The following POU2F2 variants were observed in gnomAD, a reference collection of about 807,000 sequenced individuals.
POU2F2 encodes the protein POU domain, class 2, transcription factor 2.
Under a neutral mutation model 63.5 loss-of-function variants are expected in POU2F2, and 14 were observed. That is an observed-to-expected ratio of 0.22 (90% CI 0.15 to 0.34). The LOEUF is 0.34. Among genes scored for constraint, POU2F2 ranks in the 10% least tolerant of loss-of-function variants. The pLI is 1.00. For missense variants in POU2F2, 607 were observed against 815.2 expected (o/e 0.74, Z 3.11); for synonymous variants, 306 against 348.6 (o/e 0.88, Z 1.36).
In POU2F2 at chr19:42,096,088, G is replaced by A; in HGVS notation, c.723C>T (p.Phe241=). 2 of 1,613,610 alleles carry A rather than the reference G, an allele frequency of 1.2e-6. No homozygotes were observed. Among genetic ancestry groups the A allele is most frequent in the Non-Finnish European group, 1.7e-6 (2 of 1,179,754 alleles). Residue 241 remains phenylalanine, a synonymous_variant, in exon 8 of 15, where the codon TTC becomes TTT. Transcript: ENST00000692977. This position sits in a 1 kb window ranked among gnomAD's most constrained non-coding sequence, Gnocchi z 4.1. Reference sequence around the variant, plus strand: ...CTGCAAGGTGCCTCCAGACCTGCGTGAAGCCCAGCTTGATGCGGCGTTGCT... The same window carrying A: ...CTGCAAGGTGCCTCCAGACCTGCGTAAAGCCCAGCTTGATGCGGCGTTGCT... ...TFKQRRIKLG[F]TQGDVGLAMG...
intron 5 of POU2F2, among the ~76,000 whole-genome samples, chr19:42,115,718 T>C (rs1294375859): frequency 6.6e-6 from 1 of 152,208 alleles, no homozygotes; most frequent in East Asian, 1.9e-4. Flanking sequence ...GGGAACTCTG[T>C]TGGCCACTGT....
Position 42,169,535 on chromosome 19 carries a change from G to T in POU2F2, c.-70+6428C>A, listed in dbSNP as rs779632803. On this transcript the variant is annotated intron_variant, in intron 1 of 6. Coordinates refer to the POU2F2 transcript ENST00000524801. The surrounding 1 kb of genome is among the most constrained non-coding windows in gnomAD (Gnocchi z 4.3). ...TGCATCTGCAGGGTTTAGCATCTATGAATTTTCTTAGGGAATCTCTGACCA... is the reference window on the plus strand; with the variant it reads ...TGCATCTGCAGGGTTTAGCATCTATTAATTTTCTTAGGGAATCTCTGACCA... Among the ~76,000 whole-genome samples, 4 of 152,160 alleles carry T rather than the reference G, an allele frequency of 2.6e-5. No homozygotes were observed. Among genetic ancestry groups the T allele is most frequent in the African/African-American group, 4.8e-5 (2 of 41,432 alleles).
At chr19:42,105,908 C>G (rs1396722873) in intron 5 of POU2F2, among the ~76,000 whole-genome samples, 1 of 151,314 alleles carries the variant, frequency 6.6e-6, no homozygotes, top group Non-Finnish European at 1.5e-5. Flanking sequence ...TTTTTGTGCC[C>G]TGAATTCTTC....
chr19:42,128,681 G>A (rs754371954), intron 1 of POU2F2, among the ~76,000 whole-genome samples: 7 of 152,030 alleles, frequency 4.6e-5, no homozygotes, highest in South Asian at 2.1e-4. Flanking sequence ...CAAATGGCTC[G>A]GCCTCAGCCT....
chr19:42,179,437 C>T (rs981204476), upstream of POU2F2, among the ~76,000 whole-genome samples: 1 of 146,974 alleles, frequency 6.8e-6, no homozygotes, highest in Admixed American at 6.8e-5. Flanking sequence ...CCCCTGCAGG[C>T]GGGGGTGCAG....
At chr19:42,175,013 A>ACT (rs2034845720) in intron 1 of POU2F2, among the ~76,000 whole-genome samples, 1 of 151,670 alleles carries the variant, frequency 6.6e-6, no homozygotes, top group Non-Finnish European at 1.5e-5. Context: ...AGCTCTAAGG[A>ACT]CTCTCTCAGA....
intron 1 of POU2F2, among the ~76,000 whole-genome samples, chr19:42,182,003 C>G (rs1256314474): frequency 1.3e-5 from 2 of 151,978 alleles, no homozygotes; most frequent in African/African-American, 4.8e-5. Context: ...TCTTGGGGCT[C>G]CCTTATAATC....
upstream of POU2F2, chr19:42,137,205 G>A (rs2034032477): frequency 6.6e-6 from 1 of 152,194 alleles, no homozygotes; most frequent in Non-Finnish European, 1.5e-5. Flanking sequence ...AGGGCATGGT[G>A]GCATACCCCT....
At chr19:42,135,906 T>C (rs1182063346), upstream of POU2F2, among the ~76,000 whole-genome samples, 3 of 152,166 alleles carry the variant, frequency 2.0e-5, no homozygotes, top group Middle Eastern at 3.4e-3. Flanking sequence ...AGACAGGGTT[T>C]CACCACATTG....
chr19:42,172,166 G>A (rs1243117308), intron 1 of POU2F2, among the ~76,000 whole-genome samples: 1 of 152,038 alleles, frequency 6.6e-6, no homozygotes, highest in Non-Finnish European at 1.5e-5. Context: ...CTCAGTATCT[G>A]AGCATCCTTA....
At chr19:42,183,432 T>G (rs1568427318) in intron 1 of POU2F2, among the ~76,000 whole-genome samples, 1 of 151,932 alleles carries the variant, frequency 6.6e-6, no homozygotes, top group Non-Finnish European at 1.5e-5. Context: ...AGGGCTGCAG[T>G]GGAAGGAGGG....
intron 12 of POU2F2, chr19:42,093,534 G>C (rs113185345): frequency 1.4e-5 from 5 of 347,138 alleles, no homozygotes; most frequent in African/African-American, 1.0e-4. Context: ...TAAAATAAGT[G>C]CTTGAATTCA....
chr19:42,130,220 T>C (rs2033588861), intron 1 of POU2F2, among the ~76,000 whole-genome samples: 1 of 152,104 alleles, frequency 6.6e-6, no homozygotes, highest in Admixed American at 6.5e-5. Flanking sequence ...CGCACACATG[T>C]ACTTACACAT....
intron 5 of POU2F2, among the ~76,000 whole-genome samples, chr19:42,102,683 G>C (rs2077191360): frequency 6.6e-6 from 1 of 150,882 alleles, no homozygotes; most frequent in South Asian, 2.1e-4. Context: ...AAAGAGGGAG[G>C]GGAAAAAAAA....
At position 42,092,786 on chromosome 19, in the gene POU2F2, T is replaced by C. The variant is rs1402905047; in HGVS notation, c.1265-516A>G. 2.0e-5 allele frequency among the ~76,000 whole-genome samples: 3 copies of C among 152,028 alleles called. No individual in the cohort carries two copies. Among genetic ancestry groups the C allele is most frequent in the African/African-American group, 7.2e-5 (3 of 41,382 alleles). ...CTTGTCTGGAAAATGGGGATAATAA[T>C]AGACCCTATCTCATAAAATGAGTTT... On this transcript the variant is annotated intron_variant, in intron 12 of 14. Coordinates refer to ENST00000692977, the MANE Select transcript of POU2F2 (RefSeq NM_001394376.1). The surrounding 1 kb of genome is among the most constrained non-coding windows in gnomAD (Gnocchi z 5.0).
intron 4 of POU2F2, among the ~76,000 whole-genome samples, chr19:42,121,151 G>A (rs548104976): frequency 6.6e-6 from 1 of 152,300 alleles, no homozygotes; most frequent in East Asian, 1.9e-4. Context: ...AGGACAGGGT[G>A]GGGGCAATGG....
At chr19:42,158,215 T>G (rs1005111626) in intron 2 of POU2F2, among the ~76,000 whole-genome samples, 6 of 152,186 alleles carry the variant, frequency 3.9e-5, no homozygotes, top group Non-Finnish European at 8.8e-5. Flanking sequence ...CAGCAAAGCA[T>G]CTCTCTAGTG....
At chr19:42,135,705 C>CTT (rs574885235), upstream of POU2F2, among the ~76,000 whole-genome samples, 3 of 141,418 alleles carry the variant, frequency 2.1e-5, no homozygotes, top group African/African-American at 2.6e-5. Flanking sequence ...AGTCCAGGCT[C>CTT]TTTTTTTTTT....
Position 42,164,123 on chromosome 19 carries a change from A to G in POU2F2, c.-69-3731T>C, listed in dbSNP as rs188318855. 7.2e-3 allele frequency among the ~76,000 whole-genome samples: 1,099 copies of G among 152,248 alleles called. 11 individuals are homozygous for G. The highest frequency in any genetic ancestry group is 0.012 in the South Asian group (59 of 4,820). On this transcript the variant is annotated intron_variant, in intron 1 of 6. Transcript: ENST00000524801. ...AGTCTGGCCAACATGGTGAAACTCCATCTCTACTAAAAATACAAATATTAG... is the reference window on the plus strand; with the variant it reads ...AGTCTGGCCAACATGGTGAAACTCCGTCTCTACTAAAAATACAAATATTAG...
Sources: gnomAD v4.1 joint callset for allele counts (sites outside exome capture counted in the v4.1 genomes callset) on GRCh38, gnomAD v4.1.1 for gene constraint, Gnocchi (gnomAD v3.1) non-coding constraint, MANE v1.5 for transcripts, NCBI Gene and HGNC (gene_info 2026-07-23, HGNC 2026-07-21) for gene names.